CCSER1: variants seen among roughly 807,000 people sequenced by gnomAD.
The protein encoded by CCSER1 is serine-rich coiled-coil domain-containing protein 1.
CCSER1 carries 41 observed loss-of-function variants against 82.0 expected under a neutral mutation model. That is an observed-to-expected ratio of 0.50 (90% CI 0.39 to 0.65). CCSER1 has a LOEUF of 0.65. CCSER1 is among the 30% of genes least tolerant of loss of function. The pLI is 0.00. For missense variants in CCSER1, 1,119 were observed against 1,064.2 expected (o/e 1.05, Z -0.72); for synonymous variants, 414 against 383.9 (o/e 1.08, Z -0.92).
chr4:90,999,780 T>C (rs1737828420), intron 9 of CCSER1, among the ~76,000 whole-genome samples: 1 of 151,406 alleles, frequency 6.6e-6, no homozygotes, highest in Non-Finnish European at 1.5e-5. Flanking sequence ...ATTGTTTTTT[T>C]CTTATTTGTT....
chr4:90,707,722 G>T (rs1739672140), intron 6 of CCSER1, among the ~76,000 whole-genome samples: 2 of 151,924 alleles, frequency 1.3e-5, no homozygotes, highest in African/African-American at 4.8e-5. Context: ...CATCACAAGT[G>T]CACTGTGAAA....
At chr4:91,092,820 G>A (rs1266647512) in intron 10 of CCSER1, among the ~76,000 whole-genome samples, 1 of 152,098 alleles carries the variant, frequency 6.6e-6, no homozygotes, top group Non-Finnish European at 1.5e-5. Context: ...TGTGACTGAT[G>A]CCCGGTAAGG....
At chr4:91,386,257 C>G (rs1034979890) in intron 10 of CCSER1, among the ~76,000 whole-genome samples, 13 of 151,782 alleles carry the variant, frequency 8.6e-5, no homozygotes, top group Admixed American at 6.6e-4. Context: ...AGGAGTTTAT[C>G]AAAAGGTCAC....
chr4:91,591,213 A>G (rs1247780167), intron 10 of CCSER1, among the ~76,000 whole-genome samples: 1 of 152,170 alleles, frequency 6.6e-6, no homozygotes, highest in African/African-American at 2.4e-5. Context: ...TACAGTACAT[A>G]AAATGAAAAT....
intron 8 of CCSER1, among the ~76,000 whole-genome samples, chr4:90,845,506 A>C (rs2149897160): frequency 6.6e-6 from 1 of 152,252 alleles, no homozygotes; most frequent in Non-Finnish European, 1.5e-5. Context: ...TTCATTTAAA[A>C]TATTGACACT....
intron 10 of CCSER1, among the ~76,000 whole-genome samples, chr4:91,304,674 T>C (rs1055670905): frequency 3.9e-5 from 6 of 152,042 alleles, no homozygotes; most frequent in Admixed American, 2.0e-4. Context: ...GTCCTTTAAT[T>C]AGTAGCATAT....
chr4:91,145,635 A>G (rs984550216), intron 10 of CCSER1, among the ~76,000 whole-genome samples: 1 of 152,052 alleles, frequency 6.6e-6, no homozygotes, highest in Admixed American at 6.6e-5. Context: ...CGTCACTGTA[A>G]TGCTTGTATA....
Position 91,312,183 on chromosome 4 carries a change from A to G in CCSER1, c.2217+226189A>G, listed in dbSNP as rs562879835. Among the ~76,000 whole-genome samples, 8 of 151,914 alleles carry G rather than the reference A, an allele frequency of 5.3e-5. No individual in the cohort carries two copies. In the South Asian group the frequency reaches 1.7e-3, roughly 32 times the overall value. ...CATCTCTAAACATAATAATAGTAAT[A>G]TAGGGCTAATCATTTAGTATTACTA... On this transcript the variant is annotated intron_variant, in intron 10 of 10. Coordinates refer to ENST00000509176, the MANE Select transcript of CCSER1 (RefSeq NM_001145065.2).
At chr4:91,081,737 G>A (rs1326253386) in intron 9 of CCSER1, among the ~76,000 whole-genome samples, 3 of 152,054 alleles carry the variant, frequency 2.0e-5, no homozygotes, top group Non-Finnish European at 2.9e-5. Context: ...AAATCAATGT[G>A]CAAAAATCAC....
intron 9 of CCSER1, among the ~76,000 whole-genome samples, chr4:90,924,974 G>A (rs915057663): frequency 2.0e-5 from 3 of 152,084 alleles, no homozygotes; most frequent in South Asian, 2.1e-4. Context: ...TGATCCACGC[G>A]CCTTAGCCTC....
intron 3 of CCSER1, among the ~76,000 whole-genome samples, chr4:90,337,676 GAA>G (rs1236375018): frequency 1.3e-5 from 2 of 151,466 alleles, no homozygotes; most frequent in Admixed American, 6.6e-5. Context: ...GGATCAAAAA[GAA>G]TGTTGGTTTC....
intron 7 of CCSER1, among the ~76,000 whole-genome samples, chr4:90,795,254 T>G (rs1482016207): frequency 6.8e-6 from 1 of 147,202 alleles, no homozygotes; most frequent in African/African-American, 2.5e-5. Context: ...GCCACTGCAC[T>G]GCAGCATGGG....
intron 10 of CCSER1, among the ~76,000 whole-genome samples, chr4:91,221,311 T>C (rs956444511): frequency 3.3e-5 from 5 of 152,184 alleles, no homozygotes; most frequent in Admixed American, 6.5e-5. Flanking sequence ...TATTTTACTA[T>C]AAATATGATT....
At chr4:90,401,805 A>G (rs918143795) in intron 4 of CCSER1, among the ~76,000 whole-genome samples, 8 of 152,202 alleles carry the variant, frequency 5.3e-5, no homozygotes, top group Non-Finnish European at 1.2e-4. Flanking sequence ...CAGGGATTAC[A>G]AGTTTGAGTC....
At chr4:90,938,422 A>G (rs1304411440) in intron 9 of CCSER1, among the ~76,000 whole-genome samples, 1 of 152,116 alleles carries the variant, frequency 6.6e-6, no homozygotes, top group South Asian at 2.1e-4. Context: ...ATATTTGCTA[A>G]TTAATCTTCC....
At chr4:90,815,936 T>C (rs1758954636) in intron 8 of CCSER1, 91 bp downstream of exon 8, 1 of 761,808 alleles carries the variant, frequency 1.3e-6, no homozygotes, top group Admixed American at 2.5e-5. Flanking sequence ...ATGGCATTAG[T>C]TATTTGTAAA....
intron 5 of CCSER1, among the ~76,000 whole-genome samples, chr4:90,514,457 T>C (rs1771965010): frequency 2.0e-5 from 3 of 152,060 alleles, no homozygotes; most frequent in Admixed American, 2.0e-4. Context: ...GAAGATACAG[T>C]TTAGAAAACA....
At chr4:91,447,390 C>A (rs1335428277) in intron 10 of CCSER1, among the ~76,000 whole-genome samples, 3 of 48,934 alleles carry the variant, frequency 6.1e-5, no homozygotes, top group Non-Finnish European at 1.2e-4. Context: ...TACACTCCCC[C>A]CTAAACCTGC....
intron 10 of CCSER1, among the ~76,000 whole-genome samples, chr4:91,168,885 A>G (rs1013571522): frequency 2.6e-5 from 4 of 152,114 alleles, no homozygotes; most frequent in African/African-American, 9.7e-5. Context: ...GGATGCTGTT[A>G]ATCTATAACC....
Sources: allele counts gnomAD v4.1 joint callset (sites outside exome capture counted in the v4.1 genomes callset), GRCh38; gene constraint gnomAD v4.1.1; transcripts MANE v1.5; gene names NCBI Gene and HGNC (gene_info 2026-07-23, HGNC 2026-07-21).